SSH1: variants seen among roughly 807,000 people sequenced by gnomAD.
SSH1 encodes slingshot protein phosphatase 1, also known as protein phosphatase Slingshot homolog 1.
SSH1 carries 43 observed loss-of-function variants against 79.7 expected under a neutral mutation model. The observed-to-expected ratio is 0.54, with a 90% confidence interval of 0.42 to 0.70. SSH1 has a LOEUF of 0.70. Ranked by LOEUF, SSH1 falls within the 30% of genes least tolerant of loss-of-function variation. The pLI is 0.00. For missense variants in SSH1, 1,206 were observed against 1,358.8 expected (o/e 0.89, Z 1.77); for synonymous variants, 599 against 538.3 (o/e 1.11, Z -1.56).
rs568950574 is a variant in SSH1, at chr12:108,807,352, C to A, written c.731+281G>T. ...TTGGGGACACAAAGGGCCACACATT[C>A]CTTTGAGAGTCTGATGGGAGTTACG... On this transcript the variant is annotated intron_variant, in intron 8 of 14. Coordinates refer to ENST00000326495, the MANE Select transcript of SSH1 (RefSeq NM_018984.4). This position sits in a 1 kb window ranked among gnomAD's most constrained non-coding sequence, Gnocchi z 5.2. Among the ~76,000 whole-genome samples, 1 of 152,114 alleles carries A rather than the reference C, an allele frequency of 6.6e-6. No homozygotes were observed. Among genetic ancestry groups the A allele is most frequent in the East Asian group, 1.9e-4 (1 of 5,172 alleles).
At chr12:108,793,779 A>G (rs2036618009) in intron 13 of SSH1, among the ~76,000 whole-genome samples, 1 of 152,228 alleles carries the variant, frequency 6.6e-6, no homozygotes, top group Non-Finnish European at 1.5e-5. Flanking sequence ...AGGACCTTAA[A>G]GTAATACCAG....
intron 2 of SSH1, among the ~76,000 whole-genome samples, chr12:108,823,997 G>A (rs1379926262): frequency 1.3e-5 from 2 of 152,238 alleles, no homozygotes; most frequent in African/African-American, 4.8e-5. Flanking sequence ...ACAACTCCCT[G>A]ATTAGGAGAG....
chr12:108,852,581 G>A (rs1052981599), intron 2 of SSH1, 57 bp downstream of exon 2: 9 of 1,599,902 alleles, frequency 5.6e-6, no homozygotes, highest in Non-Finnish European at 7.7e-6. Flanking sequence ...AGGAACAAGA[G>A]CATTCCTTAC....
intron 9 of SSH1, 80 bp downstream of exon 9, chr12:108,806,221 G>T: frequency 7.3e-7 from 1 of 1,367,838 alleles, no homozygotes; most frequent in African/African-American, 1.4e-5. Context: ...TGTTGGGCCT[G>T]CTTTTGCTGC....
intron 2 of SSH1, among the ~76,000 whole-genome samples, chr12:108,828,960 G>A (rs115738113): frequency 0.02 from 3,077 of 152,222 alleles, 112 homozygotes; most frequent in African/African-American, 0.07. Context: ...AAGGAAGCCC[G>A]TCAACAATTC....
At chr12:108,817,541 T>C (rs1220460938) in intron 4 of SSH1, among the ~76,000 whole-genome samples, 1 of 152,062 alleles carries the variant, frequency 6.6e-6, no homozygotes, top group East Asian at 1.9e-4. Context: ...TGCCACCACA[T>C]GCCAGCCAGA....
chr12:108,800,666 G>T, intron 12 of SSH1, 114 bp downstream of exon 12: 2 of 1,303,816 alleles, frequency 1.5e-6, no homozygotes, highest in Non-Finnish European at 2.2e-6. Context: ...CTGGAGTCCC[G>T]TTAGGATCCC....
intron 4 of SSH1, 169 bp from the exon 5 acceptor site, chr12:108,817,328 C>T (rs929987053): frequency 2.3e-5 from 21 of 903,518 alleles, no homozygotes; most frequent in Non-Finnish European, 3.0e-5. Flanking sequence ...AATCCCAGCA[C>T]TTTGGGAGGC....
intron 13 of SSH1, among the ~76,000 whole-genome samples, chr12:108,796,212 G>A (rs904789920): frequency 3.3e-5 from 5 of 152,084 alleles, no homozygotes; most frequent in Non-Finnish European, 1.5e-5. Context: ...CACCACACCC[G>A]GCCTCATCTT....
chr12:108,841,369 G>A (rs756050017), intron 2 of SSH1, among the ~76,000 whole-genome samples: 4 of 152,234 alleles, frequency 2.6e-5, no homozygotes, highest in Admixed American at 1.3e-4. Flanking sequence ...CTGGTGTTTC[G>A]AAAGTTTAAT....
chr12:108,829,704 G>A (rs1018312587), intron 2 of SSH1, among the ~76,000 whole-genome samples: 1 of 152,174 alleles, frequency 6.6e-6, no homozygotes, highest in Non-Finnish European at 1.5e-5. Context: ...GTCATACATT[G>A]AAACAACCTA....
intron 2 of SSH1, among the ~76,000 whole-genome samples, chr12:108,830,189 C>T (rs554288106): frequency 5.3e-5 from 8 of 152,164 alleles, no homozygotes; most frequent in South Asian, 2.1e-4. Context: ...TGGTGGCTCA[C>T]GCCTGTAATC....
At chr12:108,830,961 A>G (rs2038458095) in intron 2 of SSH1, among the ~76,000 whole-genome samples, 1 of 152,040 alleles carries the variant, frequency 6.6e-6, no homozygotes, top group African/African-American at 2.4e-5. Context: ...CAGACCTTTG[A>G]CAAACTCTGC....
chr12:108,804,003 T>C (rs1331486610), intron 10 of SSH1, among the ~76,000 whole-genome samples: 2 of 152,212 alleles, frequency 1.3e-5, no homozygotes, highest in African/African-American at 4.8e-5. Context: ...GGAAGCACTT[T>C]CTCCTCTAAC....
Position 108,854,644 on chromosome 12 carries a change from G to A in SSH1, c.70-1966C>T, listed in dbSNP as rs146868234. On this transcript the variant is annotated intron_variant, in intron 1 of 14. Transcript: ENST00000326495. ...AAGTTGCAATTTGAAGAGTGATGAC[G>A]TGACTTGGGGGTACGGACTTCACAA... Among the ~76,000 whole-genome samples the A allele has an allele frequency of 6.6e-5, 10 of 152,324 alleles. No homozygotes were observed. In the South Asian group the frequency reaches 1.0e-3, roughly 16 times the overall value.
At chr12:108,795,754 G>C (rs1364473637) in intron 13 of SSH1, among the ~76,000 whole-genome samples, 1 of 151,982 alleles carries the variant, frequency 6.6e-6, no homozygotes, top group Non-Finnish European at 1.5e-5. Context: ...CAGCTGTTTG[G>C]GGGGCTGAGG....
rs1333225426 is a variant in SSH1 at position 108,807,584 on chromosome 12, C to G, written c.731+49G>C. The G allele has an allele frequency of 1.9e-6, 3 of 1,587,198 alleles. No individual in the cohort carries two copies. Among genetic ancestry groups the G allele is most frequent in the Non-Finnish European group, 2.6e-6 (3 of 1,157,956 alleles). On this transcript the variant is annotated intron_variant, in intron 8 of 14. Transcript: ENST00000326495. This position sits in a 1 kb window ranked among gnomAD's most constrained non-coding sequence, Gnocchi z 5.2. Reference sequence around the variant, plus strand: ...GGGCACAGGGCAGGTGGGGGAGAGGCAGGTGCCTGTGGGCTTGGGTGCGCT... The same window carrying G: ...GGGCACAGGGCAGGTGGGGGAGAGGGAGGTGCCTGTGGGCTTGGGTGCGCT...
chr12:108,796,557 A>G lies in SSH1; in HGVS notation c.1349+2443T>C, dbSNP rs148198820. On this transcript the variant is annotated intron_variant, in intron 13 of 14. Transcript: ENST00000326495. ...CCTTTTTAAGGCTGTGTAGTATCCC[A>G]TTGTATGAATATGTCACGTTTTGTT... Among the ~76,000 whole-genome samples, 54 of 152,246 alleles carry G rather than the reference A, an allele frequency of 3.5e-4. No individual in the cohort carries two copies. The East Asian group carries it at 9.9e-3, about 28-fold the overall frequency.
Position 108,817,441 on chromosome 12 carries a change from G to A in SSH1, c.280-282C>T, listed in dbSNP as rs905397129. On this transcript the variant is annotated intron_variant, in intron 4 of 14. Coordinates refer to ENST00000326495, the MANE Select transcript of SSH1 (RefSeq NM_018984.4). ...AATACAAAAATTAGCTGGGCATGGT[G>A]GCGTGCGCCTGTAATCCCAGCTACT... 8.7e-5 allele frequency: 33 copies of A among 380,780 alleles called. No homozygotes were observed. In the East Asian group the frequency reaches 2.0e-3, roughly 23 times the overall value. 23.6% of individuals were successfully genotyped at this position (380,780 alleles called of 1,614,324 possible). A position where few individuals can be genotyped will look rare whatever the true frequency, so the allele number is the denominator to read the frequency against.
Sources: allele counts gnomAD v4.1 joint callset (sites outside exome capture counted in the v4.1 genomes callset), GRCh38; gene constraint gnomAD v4.1.1; non-coding constraint Gnocchi (gnomAD v3.1); transcripts MANE v1.5; gene names NCBI Gene and HGNC (gene_info 2026-07-23, HGNC 2026-07-21).